RGS20: variants seen among roughly 807,000 people sequenced by gnomAD.
RGS20 encodes the protein regulator of G protein signaling 20.
Under a neutral mutation model 33.6 loss-of-function variants are expected in RGS20, and 30 were observed. The ratio of observed to expected loss-of-function variants is 0.89; its 90% CI spans 0.67 to 1.21. The LOEUF is 1.21. RGS20 is among the 50% of genes most tolerant of loss of function. RGS20 has a pLI of 0.00. For synonymous variants in RGS20, 208 were observed against 197.9 expected, an observed-to-expected ratio of 1.05 and a Z score of -0.43; for missense variants, 472 against 502.4, an observed-to-expected ratio of 0.94 and a Z score of 0.58.
intron 2 of RGS20, among the ~76,000 whole-genome samples, chr8:53,900,960 C>T (rs1283166431): frequency 1.3e-5 from 2 of 152,142 alleles, no homozygotes; most frequent in Non-Finnish European, 2.9e-5. Flanking sequence ...ACGTCCTGAC[C>T]TGGCTCCATG....
chr8:53,939,318 G>A (rs1376540190), intron 2 of RGS20, among the ~76,000 whole-genome samples: 1 of 152,218 alleles, frequency 6.6e-6, no homozygotes, highest in African/African-American at 2.4e-5. Context: ...TGAACTGTGA[G>A]CGCCTAAGGA....
chr8:53,918,607 C>T (rs540214440), intron 2 of RGS20, among the ~76,000 whole-genome samples: 10 of 152,114 alleles, frequency 6.6e-5, no homozygotes, highest in Middle Eastern at 3.4e-3. Flanking sequence ...AGGCTGGTCT[C>T]GAACTCCTGA....
At chr8:53,880,725 G>A (rs1336753082) in intron 2 of RGS20, 147 bp from the exon 1 acceptor site, 2 of 583,218 alleles carry the variant, frequency 3.4e-6, no homozygotes, top group Non-Finnish European at 5.4e-6. Context: ...GGAGCAGTGG[G>A]GCTGCGGCCG....
rs1585952520 is a variant in RGS20, at chr8:53,946,699, A to G, written c.694A>G (p.Thr232Ala). 1 of 1,613,294 alleles carries G rather than the reference A, an allele frequency of 6.2e-7. No homozygotes were observed. Among genetic ancestry groups the G allele is most frequent in the African/African-American group, 1.3e-5 (1 of 75,022 alleles). Residue 232 changes from threonine to alanine, a missense_variant, in exon 4 of 6, where the codon ACA becomes GCA. Physicochemically the swap from Thr to Ala is moderately conservative, Grantham distance 58. Transcript: ENST00000297313. ...TAGAAACCAGGAAGATCAGAGGCCC[A>G]CAATAGCTTCCCACGAACTCAGAGC...
intron 1 of RGS20, among the ~76,000 whole-genome samples, chr8:53,866,205 C>G (rs1161829545): frequency 6.6e-6 from 1 of 152,108 alleles, no homozygotes; most frequent in Non-Finnish European, 1.5e-5. Flanking sequence ...ACGGAAGGAA[C>G]ATGAATGTAT....
intron 1 of RGS20, among the ~76,000 whole-genome samples, chr8:53,865,377 A>G (rs1285516627): frequency 6.6e-6 from 1 of 152,224 alleles, no homozygotes; most frequent in Non-Finnish European, 1.5e-5. Flanking sequence ...TCTGTAATTG[A>G]GAAAGAGATG....
intron 2 of RGS20, among the ~76,000 whole-genome samples, chr8:53,918,221 C>CCA (rs1398257781): frequency 6.6e-6 from 1 of 152,066 alleles, no homozygotes; most frequent in African/African-American, 2.4e-5. Flanking sequence ...AATCCCACAC[C>CCA]CACTAGCAGT....
At chr8:53,884,664 G>A (rs935759699) in intron 2 of RGS20, among the ~76,000 whole-genome samples, 1 of 152,138 alleles carries the variant, frequency 6.6e-6, no homozygotes, top group East Asian at 1.9e-4. Context: ...TCATTCCCCA[G>A]GGCTCTTACA....
chr8:53,853,044 C>T (rs550676558), intron 1 of RGS20, among the ~76,000 whole-genome samples: 2 of 152,120 alleles, frequency 1.3e-5, no homozygotes, highest in Admixed American at 6.6e-5. Context: ...ATTCCCACAC[C>T]GCCTATTATC....
At chr8:53,889,202 A>AGTATTGTT (rs1014339941) in intron 2 of RGS20, among the ~76,000 whole-genome samples, 63 of 152,184 alleles carry the variant, frequency 4.1e-4, no homozygotes, top group African/African-American at 1.4e-3. Flanking sequence ...ACCAGTACTT[A>AGTATTGTT]GTATTGTTTG....
chr8:53,948,333 G>GAT (rs1814598452), intron 4 of RGS20, among the ~76,000 whole-genome samples: 2 of 131,884 alleles, frequency 1.5e-5, no homozygotes, highest in African/African-American at 6.1e-5. Flanking sequence ...CTATATATAA[G>GAT]ACAGTATATA....
intron 2 of RGS20, 87 bp downstream of exon 1, chr8:53,881,171 G>A: frequency 9.8e-7 from 1 of 1,022,694 alleles, no homozygotes; most frequent in Non-Finnish European, 1.3e-6. Flanking sequence ...GGCTGGGAGG[G>A]GCGCGCCGCT....
intron 1 of RGS20, among the ~76,000 whole-genome samples, chr8:53,857,540 A>G (rs1255938697): frequency 1.3e-5 from 2 of 152,266 alleles, no homozygotes; most frequent in Admixed American, 6.5e-5. Context: ...GTCAAAGGGC[A>G]CAAAGTATCA....
At chr8:53,928,568 A>T (rs1179373773) in intron 2 of RGS20, among the ~76,000 whole-genome samples, 1 of 152,198 alleles carries the variant, frequency 6.6e-6, no homozygotes, top group Non-Finnish European at 1.5e-5. Context: ...TTACATGTGG[A>T]ATCCCAACAC....
rs192382857 is a variant in RGS20, at chr8:53,949,404, A to T, written c.743+2656A>T. Among the ~76,000 whole-genome samples, 1,351 of 151,146 alleles carry T rather than the reference A, an allele frequency of 8.9e-3. 8 individuals are homozygous for T. Among genetic ancestry groups the T allele is most frequent in the Non-Finnish European group, 0.014 (983 of 67,800 alleles). On this transcript the variant is annotated intron_variant, in intron 4 of 5. Coordinates refer to ENST00000297313, the MANE Select transcript of RGS20 (RefSeq NM_170587.4). ...AGCAAACATGAAACAGTTATATTTT[A>T]AAAATAAAAGTATATTATATAATAT...
chr8:53,874,838 A>C (rs192713526), intron 1 of RGS20, among the ~76,000 whole-genome samples: 2 of 152,250 alleles, frequency 1.3e-5, no homozygotes, highest in East Asian at 3.9e-4. Flanking sequence ...CTTACTAATT[A>C]CATCTGCTGC....
chr8:53,862,704 C>T (rs1418992489), intron 1 of RGS20, among the ~76,000 whole-genome samples: 5 of 152,124 alleles, frequency 3.3e-5, no homozygotes, highest in African/African-American at 7.2e-5. Flanking sequence ...GAGGCTGAGG[C>T]ATGAGGATTG....
At chr8:53,898,169 G>A (rs1434354048) in intron 2 of RGS20, among the ~76,000 whole-genome samples, 1 of 152,164 alleles carries the variant, frequency 6.6e-6, no homozygotes, top group African/African-American at 2.4e-5. Context: ...CTGACTTGAG[G>A]AGTGGTGGTG....
At chr8:53,880,447 G>T (rs1385095495) in intron 2 of RGS20, among the ~76,000 whole-genome samples, 3 of 152,022 alleles carry the variant, frequency 2.0e-5, no homozygotes, top group Admixed American at 2.0e-4. Flanking sequence ...CCCCGGGCCG[G>T]GGAGAAGGTA....
Sources: allele counts gnomAD v4.1 joint callset (sites outside exome capture counted in the v4.1 genomes callset), GRCh38; gene constraint gnomAD v4.1.1; transcripts MANE v1.5; gene names NCBI Gene and HGNC (gene_info 2026-07-23, HGNC 2026-07-21).